ASIC2: variants seen among roughly 807,000 people sequenced by gnomAD.
ASIC2 encodes the protein acid-sensing ion channel 2.
In ASIC2, 25 loss-of-function variants were observed where a neutral mutation model predicts 57.3. The ratio of observed to expected loss-of-function variants is 0.44; its 90% CI spans 0.32 to 0.61. The LOEUF is 0.61. ASIC2 is among the 20% of genes least tolerant of loss of function. The pLI, the probability that ASIC2 is intolerant of heterozygous loss-of-function variation, is 0.06. For missense variants in ASIC2, 641 were observed against 738.1 expected (o/e 0.87, Z 1.52); for synonymous variants, 319 against 307.5 (o/e 1.04, Z -0.39).
intron 1 of ASIC2, among the ~76,000 whole-genome samples, chr17:33,319,609 T>A (rs150225411): frequency 3.9e-5 from 6 of 152,276 alleles, no homozygotes; most frequent in Admixed American, 2.0e-4. Context: ...GTAAATGGGG[T>A]ATTCACCACC....
At chr17:33,723,395 C>T (rs1175406611) in intron 1 of ASIC2, among the ~76,000 whole-genome samples, 1 of 152,096 alleles carries the variant, frequency 6.6e-6, no homozygotes, top group African/African-American at 2.4e-5. Flanking sequence ...GCTGTGTGAT[C>T]TCTGCTCACT....
chr17:33,645,020 C>T lies in ASIC2; in HGVS notation c.555+510958G>A, dbSNP rs765861208. On this transcript the variant is annotated intron_variant, in intron 1 of 9. Coordinates refer to the ASIC2 transcript ENST00000359872. ...TTGCTTGGTTTTTCATGATTAGCCA[C>T]GTGAAACATTATTATAGTTTATTGC... Among the ~76,000 whole-genome samples, 12 of 152,152 alleles carry T rather than the reference C, an allele frequency of 7.9e-5. No individual in the cohort carries two copies. The East Asian group carries it at 9.6e-4, about 12-fold the overall frequency.
intron 1 of ASIC2, among the ~76,000 whole-genome samples, chr17:33,751,218 T>G (rs545499287): frequency 7.9e-5 from 12 of 152,320 alleles, no homozygotes; most frequent in Non-Finnish European, 1.5e-5. Flanking sequence ...ATTAATCAGA[T>G]GCCTGCAGGA....
At chr17:33,696,799 AGAG>A (rs1908542494) in intron 1 of ASIC2, among the ~76,000 whole-genome samples, 2 of 152,310 alleles carry the variant, frequency 1.3e-5, no homozygotes, top group South Asian at 4.1e-4. Flanking sequence ...AAAGTAAGCT[AGAG>A]GAGAAAAATC....
At chr17:33,947,804 T>C (rs926089389) in intron 1 of ASIC2, among the ~76,000 whole-genome samples, 10 of 152,242 alleles carry the variant, frequency 6.6e-5, no homozygotes, top group African/African-American at 2.4e-4. Flanking sequence ...TATTTTTCTT[T>C]CTTTGTTTGG....
intron 1 of ASIC2, among the ~76,000 whole-genome samples, chr17:33,990,192 T>C (rs570423798): frequency 3.3e-5 from 5 of 152,298 alleles, no homozygotes; most frequent in African/African-American, 1.2e-4. Context: ...CAGACAGGCC[T>C]GGTCACAGCT....
At chr17:33,362,118 G>A (rs1318172808) in intron 1 of ASIC2, among the ~76,000 whole-genome samples, 4 of 152,136 alleles carry the variant, frequency 2.6e-5, no homozygotes, top group Non-Finnish European at 5.9e-5. Flanking sequence ...AGATTGGCTG[G>A]GTGCCATGCT....
At chr17:33,498,575 T>G (rs1386486778) in intron 1 of ASIC2, among the ~76,000 whole-genome samples, 1 of 151,778 alleles carries the variant, frequency 6.6e-6, no homozygotes, top group Non-Finnish European at 1.5e-5. Context: ...GGGGAAAGAG[T>G]GCAGAGGGCC....
chr17:33,064,636 G>A (rs2092035579), intron 3 of ASIC2, among the ~76,000 whole-genome samples: 1 of 152,336 alleles, frequency 6.6e-6, no homozygotes, highest in East Asian at 1.9e-4. Context: ...GCTACTCGGG[G>A]GTCAGGGACC....
intron 1 of ASIC2, among the ~76,000 whole-genome samples, chr17:33,541,619 A>T (rs1915413767): frequency 6.6e-6 from 1 of 152,138 alleles, no homozygotes; most frequent in East Asian, 1.9e-4. Context: ...TAAGGTGAGG[A>T]CTGTATCATT....
chr17:33,419,657 A>G (rs9902936), intron 1 of ASIC2, among the ~76,000 whole-genome samples: 36,213 of 152,164 alleles, frequency 0.24, 4,893 homozygotes, highest in East Asian at 0.66. Context: ...TTTCACAGAT[A>G]TACTGGTACA....
intron 1 of ASIC2, among the ~76,000 whole-genome samples, chr17:33,313,837 G>T (rs1906534041): frequency 6.6e-6 from 1 of 152,216 alleles, no homozygotes; most frequent in Non-Finnish European, 1.5e-5. Context: ...AAGTGAGGAA[G>T]GGCCATCCAG....
At chr17:33,728,886 T>A (rs1033439020) in intron 1 of ASIC2, among the ~76,000 whole-genome samples, 1 of 152,108 alleles carries the variant, frequency 6.6e-6, no homozygotes, top group Admixed American at 6.5e-5. Context: ...ATCCAAATTG[T>A]TAATGACTGC....
intron 3 of ASIC2, among the ~76,000 whole-genome samples, chr17:33,039,514 C>A (rs1401709117): frequency 6.6e-6 from 1 of 152,178 alleles, no homozygotes; most frequent in Non-Finnish European, 1.5e-5. Context: ...GCCTCTCTGA[C>A]CTTTCCTTCT....
intron 1 of ASIC2, among the ~76,000 whole-genome samples, chr17:34,062,612 T>C (rs916987805): frequency 3.9e-5 from 6 of 152,056 alleles, no homozygotes; most frequent in African/African-American, 1.4e-4. Context: ...AGAAAATTGA[T>C]AGACCATTAG....
Position 33,670,419 on chromosome 17 carries a change from C to T in ASIC2, c.555+485559G>A, listed in dbSNP as rs1006489700. Among the ~76,000 whole-genome samples, 6 of 152,172 alleles carry T rather than the reference C, an allele frequency of 3.9e-5. No homozygotes were observed. The East Asian group carries it at 1.2e-3, about 29-fold the overall frequency. Reference sequence around the variant, plus strand: ...ACCAAGAATGTTTAAAATAAGGAATCACCATTTTAAATGAAGAGAAAAAGT... The same window carrying T: ...ACCAAGAATGTTTAAAATAAGGAATTACCATTTTAAATGAAGAGAAAAAGT... On this transcript the variant is annotated intron_variant, in intron 1 of 9. Transcript: ENST00000359872.
chr17:33,517,765 G>C (rs1335120051), intron 1 of ASIC2, among the ~76,000 whole-genome samples: 2 of 151,146 alleles, frequency 1.3e-5, no homozygotes, highest in Non-Finnish European at 2.9e-5. Flanking sequence ...CGAGTTAATG[G>C]GTGCAGCACA....
At chr17:33,243,828 C>G (rs543238521) in intron 1 of ASIC2, among the ~76,000 whole-genome samples, 185 of 152,260 alleles carry the variant, frequency 1.2e-3, no homozygotes, top group African/African-American at 4.4e-3. Context: ...CCATTTCCAG[C>G]TTTTCCCTGA....
At chr17:33,697,894 C>A (rs952540723) in intron 1 of ASIC2, among the ~76,000 whole-genome samples, 2 of 152,152 alleles carry the variant, frequency 1.3e-5, no homozygotes, top group Admixed American at 1.3e-4. Context: ...CTGAGGAGAA[C>A]TTTTGCAGTG....
Sources: gnomAD v4.1 joint callset for allele counts (sites outside exome capture counted in the v4.1 genomes callset) on GRCh38, gnomAD v4.1.1 for gene constraint, MANE v1.5 for transcripts, NCBI Gene and HGNC (gene_info 2026-07-23, HGNC 2026-07-21) for gene names.